The following SREBF2 variants were observed in gnomAD, a reference collection of about 807,000 sequenced individuals.
SREBF2 encodes sterol regulatory element-binding protein 2.
In SREBF2, 55 loss-of-function variants were observed where a neutral mutation model predicts 113.1. The ratio of observed to expected loss-of-function variants is 0.49; its 90% CI spans 0.39 to 0.61. SREBF2 has a LOEUF of 0.61. SREBF2 is among the 20% of genes least tolerant of loss of function. The probability of loss-of-function intolerance (pLI) is 0.00; values close to 1 mark genes in which losing one functional copy is unlikely to be tolerated. For missense variants in SREBF2, 1,349 were observed against 1,487.4 expected, an observed-to-expected ratio of 0.91 and a Z score of 1.53; for synonymous variants, 593 against 605.7, an observed-to-expected ratio of 0.98 and a Z score of 0.31.
intron 1 of SREBF2, among the ~76,000 whole-genome samples, chr22:41,852,935 A>C (rs765301264): frequency 1.3e-5 from 2 of 151,730 alleles, no homozygotes; most frequent in African/African-American, 4.8e-5. Context: ...TTTTTAGTAG[A>C]GACGGGGTTT....
chr22:41,900,106 T>G, intron 15 of SREBF2: 1 of 1,443,456 alleles, frequency 6.9e-7, no homozygotes, highest in Non-Finnish European at 9.1e-7. Context: ...GTCTCTGACT[T>G]CCAGCATTGA....
chr22:41,890,771 G>A (rs1424859697), intron 11 of SREBF2, among the ~76,000 whole-genome samples: 4 of 151,824 alleles, frequency 2.6e-5, no homozygotes, highest in South Asian at 2.1e-4. Context: ...AGCTGGGTGC[G>A]GTGGCGGGTG....
At chr22:41,853,419 TGCTG>T (rs1394714183) in intron 1 of SREBF2, among the ~76,000 whole-genome samples, 1 of 152,240 alleles carries the variant, frequency 6.6e-6, no homozygotes, top group East Asian at 1.9e-4. Context: ...ACTATTGACT[TGCTG>T]GATTCTGTGA....
rs1442400614 is a variant in SREBF2, at chr22:41,867,200, C to T, written c.458C>T (p.Thr153Met). 4 of 1,614,098 alleles carry T rather than the reference C, an allele frequency of 2.5e-6. No individual in the cohort carries two copies. Among genetic ancestry groups the T allele is most frequent in the Non-Finnish European group, 3.4e-6 (4 of 1,180,052 alleles). Reference protein sequence around the residue: ...TQLQQQTVMITPTFSTTPQTR... With the variant: ...TQLQQQTVMIMPTFSTTPQTR... ...CTGCAACAACAGACGGTAATGATCA[C>T]GCCAACATTCAGCACCACTCCGCAG... The change falls in exon 2 of 19, where the codon ACG becomes ATG. Residue 153 changes from threonine to methionine, a missense_variant. Around this residue, in one of 2 missense-constraint regions of SREBF2, gnomAD observed 699 missense variants for 843.3 expected, o/e 0.83. Transcript: ENST00000361204.
chr22:41,900,578 C>T, intron 16 of SREBF2, 80 bp downstream of exon 16: 5 of 1,453,680 alleles, frequency 3.4e-6, no homozygotes, highest in Non-Finnish European at 3.8e-6. Flanking sequence ...CTCATGCTGA[C>T]CCTGCGGGTG....
Position 41,905,427 on chromosome 22 carries a change from C to T in SREBF2, c.3206-13C>T. 1.9e-6 allele frequency: 3 copies of T among 1,562,482 alleles called. No individual in the cohort carries two copies. Among genetic ancestry groups the T allele is most frequent in the Non-Finnish European group, 2.6e-6 (3 of 1,155,896 alleles). ...GTAGATTCTCGGTTGTGACACACAT[C>T]TCCTTCCCACAGGAGAGGTGGATGC... On this transcript the variant is annotated splice_polypyrimidine_tract_variant and intron_variant, in intron 18 of 18. Transcript: ENST00000361204.
chr22:41,880,636 G>T, intron 9 of SREBF2, 80 bp from the exon 10 acceptor site: 2 of 1,560,800 alleles, frequency 1.3e-6, no homozygotes, highest in South Asian at 2.2e-5. Flanking sequence ...ATAATTGGGG[G>T]CAGGGGGAGT....
At chr22:41,902,600 C>T (rs1477843436) in intron 16 of SREBF2, among the ~76,000 whole-genome samples, 1 of 152,174 alleles carries the variant, frequency 6.6e-6, no homozygotes, top group African/African-American at 2.4e-5. Flanking sequence ...ATCTCAGCCT[C>T]CTAGCCAGCC....
At chr22:41,885,090 T>C in intron 11 of SREBF2, 79 bp downstream of exon 11, 1 of 1,543,590 alleles carries the variant, frequency 6.5e-7, no homozygotes, top group South Asian at 1.2e-5. Flanking sequence ...GAAGCAGTTA[T>C]GAACCCCCTT....
Position 41,877,330 on chromosome 22 carries a change from C to G in SREBF2, c.1488C>G (p.Pro496=). The part of the protein sequence containing the change: ...VLTFLCLSFN[P]LTSLLQWGGA... ...CCTTCCTGTGCCTCTCCTTTAACCCCCTGACTTCCCTGCTGCAGTGGGGAG... is the reference window on the plus strand; with the variant it reads ...CCTTCCTGTGCCTCTCCTTTAACCCGCTGACTTCCCTGCTGCAGTGGGGAG... Residue 496 remains proline, a synonymous_variant, in exon 8 of 19, where the codon CCC becomes CCG. Transcript: ENST00000361204. The G allele has an allele frequency of 6.2e-7, 1 of 1,614,178 alleles. No individual in the cohort carries two copies. Among genetic ancestry groups the G allele is most frequent in the South Asian group, 1.1e-5 (1 of 91,082 alleles).
At chr22:41,888,315 AG>A (rs1200394801) in intron 11 of SREBF2, among the ~76,000 whole-genome samples, 10 of 152,322 alleles carry the variant, frequency 6.6e-5, no homozygotes, top group African/African-American at 2.2e-4. Flanking sequence ...TTTTTATAAG[AG>A]TTGGAGGTAG....
intron 9 of SREBF2, among the ~76,000 whole-genome samples, chr22:41,878,466 C>G (rs927346001): frequency 2.6e-4 from 39 of 152,188 alleles, no homozygotes; most frequent in African/African-American, 9.2e-4. Flanking sequence ...TGGAGACTGG[C>G]AGGTTCCAGG....
chr22:41,849,203 A>AT (rs1408666648), intron 1 of SREBF2, among the ~76,000 whole-genome samples: 5 of 151,768 alleles, frequency 3.3e-5, no homozygotes, highest in East Asian at 1.9e-4. Flanking sequence ...TTATTTATTT[A>AT]TTTTTTGGAG....
In SREBF2 at chr22:41,893,754, C is replaced by T. The variant is rs543463748; in HGVS notation, c.2377+469C>T. ...CAACTGCTCAGAGTGGTGACAGGGA[C>T]GAGGCTTCAGGCATTGGAAGGAGGT... On this transcript the variant is annotated intron_variant, in intron 12 of 18. Coordinates refer to ENST00000361204, the MANE Select transcript of SREBF2 (RefSeq NM_004599.4). 5.1e-4 allele frequency among the ~76,000 whole-genome samples: 77 copies of T among 152,216 alleles called. 1 individual carries two copies. Among genetic ancestry groups the T allele is most frequent in the Admixed American group, 1.4e-3 (22 of 15,292 alleles).
chr22:41,878,252 C>A, intron 9 of SREBF2, 129 bp downstream of exon 9: 2 of 1,260,286 alleles, frequency 1.6e-6, no homozygotes, highest in Non-Finnish European at 2.2e-6. Context: ...GCTGAATAGT[C>A]ACAGGGCAGT....
rs2077134285 is a variant in SREBF2, at chr22:41,870,950, A to G, written c.782A>G (p.Asp261Gly). Residue 261 changes from aspartate to glycine, a missense_variant, in exon 4 of 19, where the codon GAT becomes GGT. Coordinates refer to ENST00000361204, the MANE Select transcript of SREBF2 (RefSeq NM_004599.4). ...DSLVLTTLKTDGSPVMAAVQN... is the reference protein window; with the variant it reads ...DSLVLTTLKTGGSPVMAAVQN... ...CTTGTTTTGACCACACTGAAGACAGATGGCAGCCCTGTTATGGCTGCGGTC... is the reference window on the plus strand; with the variant it reads ...CTTGTTTTGACCACACTGAAGACAGGTGGCAGCCCTGTTATGGCTGCGGTC... 6.2e-7 allele frequency: 1 copy of G among 1,614,028 alleles called. No homozygotes were observed. Among genetic ancestry groups the G allele is most frequent in the African/African-American group, 1.3e-5 (1 of 74,920 alleles).
chr22:41,896,782 TAAG>T (rs972597077), intron 13 of SREBF2, among the ~76,000 whole-genome samples: 13 of 152,032 alleles, frequency 8.6e-5, no homozygotes, highest in African/African-American at 3.1e-4. Flanking sequence ...ACTTGGGGCT[TAAG>T]GAGAGGAGTG....
intron 13 of SREBF2, among the ~76,000 whole-genome samples, chr22:41,896,532 G>T (rs991961544): frequency 2.6e-5 from 4 of 152,088 alleles, no homozygotes; most frequent in Non-Finnish European, 5.9e-5. Context: ...ACTCATTTTT[G>T]TATTTCTTGG....
intron 7 of SREBF2, among the ~76,000 whole-genome samples, chr22:41,876,581 C>CT (rs1361906888): frequency 6.6e-6 from 1 of 152,160 alleles, no homozygotes; most frequent in Non-Finnish European, 1.5e-5. Flanking sequence ...AGCCCTCCTG[C>CT]TGTAAAATGG....
Sources: gnomAD v4.1 joint callset for allele counts (sites outside exome capture counted in the v4.1 genomes callset) on GRCh38, gnomAD v4.1.1 for gene constraint, gnomAD v4.1.1 regional missense constraint, MANE v1.5 for transcripts, NCBI Gene and HGNC (gene_info 2026-07-23, HGNC 2026-07-21) for gene names.